Variants in SCFD2 observed in about 807,000 individuals in gnomAD.
SCFD2 encodes sec1 family domain containing 2, also known as sec1 family domain-containing protein 2.
Under a neutral mutation model 58.9 loss-of-function variants are expected in SCFD2, and 54 were observed. The observed-to-expected ratio is 0.92, with a 90% CI of 0.74 to 1.15. The LOEUF is 1.15. Among genes scored for constraint, SCFD2 ranks in the 50% most tolerant of loss-of-function variants. SCFD2 has a pLI of 0.00. For synonymous variants in SCFD2, 321 were observed against 335.9 expected (o/e 0.96, Z 0.49); for missense variants, 805 against 836.6 (o/e 0.96, Z 0.47).
At chr4:53,324,468 G>T (rs1560447029) in intron 2 of SCFD2, among the ~76,000 whole-genome samples, 1 of 146,692 alleles carries the variant, frequency 6.8e-6, no homozygotes, top group Non-Finnish European at 1.5e-5. Context: ...GGACAGAAAT[G>T]ACTGTCAAAA....
intron 2 of SCFD2, among the ~76,000 whole-genome samples, chr4:53,335,939 C>G (rs1291285020): frequency 1.3e-5 from 2 of 152,160 alleles, no homozygotes; most frequent in Non-Finnish European, 2.9e-5. Context: ...TAAAAATGCT[C>G]TGAGTAATCT....
chr4:53,252,084 C>A (rs1044157359), intron 4 of SCFD2, among the ~76,000 whole-genome samples: 18 of 150,602 alleles, frequency 1.2e-4, no homozygotes, highest in Non-Finnish European at 2.1e-4. Flanking sequence ...TTCTTATACA[C>A]CAATAACAGA....
At chr4:53,139,023 G>A (rs1016240393) in intron 5 of SCFD2, among the ~76,000 whole-genome samples, 14 of 152,132 alleles carry the variant, frequency 9.2e-5, no homozygotes, top group African/African-American at 2.9e-4. Flanking sequence ...GGTGCGCGCC[G>A]CCACGCGTGA....
chr4:53,184,767 C>A (rs1030429215), intron 4 of SCFD2, among the ~76,000 whole-genome samples: 1 of 151,972 alleles, frequency 6.6e-6, no homozygotes, highest in Admixed American at 6.6e-5. Context: ...TAGTGCTATG[C>A]AAAAAGAACT....
intron 2 of SCFD2, among the ~76,000 whole-genome samples, chr4:53,320,107 TCATTGGACCC>T (rs1366961237): frequency 6.6e-6 from 1 of 152,228 alleles, no homozygotes; most frequent in African/African-American, 2.4e-5. Flanking sequence ...AGGATAAGTA[TCATTGGACCC>T]CATTTCATAA....
At chr4:53,169,447 T>A (rs910858485) in intron 4 of SCFD2, among the ~76,000 whole-genome samples, 1 of 152,242 alleles carries the variant, frequency 6.6e-6, no homozygotes, top group African/African-American at 2.4e-5. Flanking sequence ...TCTGTCCATC[T>A]ATTGATGAAC....
intron 5 of SCFD2, among the ~76,000 whole-genome samples, chr4:53,073,046 T>C (rs565347970): frequency 6.6e-6 from 1 of 152,120 alleles, no homozygotes; most frequent in Non-Finnish European, 1.5e-5. Flanking sequence ...AGCACAAAAA[T>C]ATTCCAAAAA....
intron 6 of SCFD2, among the ~76,000 whole-genome samples, chr4:52,912,600 T>A (rs1179093578): frequency 6.6e-6 from 1 of 152,222 alleles, no homozygotes; most frequent in East Asian, 1.9e-4. Flanking sequence ...GAGCACAATT[T>A]GGTAAAGACT....
At chr4:52,974,526 A>T (rs1371856590) in intron 5 of SCFD2, among the ~76,000 whole-genome samples, 1 of 152,216 alleles carries the variant, frequency 6.6e-6, no homozygotes, top group Admixed American at 6.5e-5. Context: ...AAGAGGATAC[A>T]AACAAATGGA....
At chr4:53,324,795 C>T (rs4864749) in intron 2 of SCFD2, among the ~76,000 whole-genome samples, 91,135 of 151,908 alleles carry the variant, frequency 0.6, 27,493 homozygotes, top group Middle Eastern at 0.66. Flanking sequence ...TGAGTTCTGA[C>T]TGATAAGTTT....
At chr4:53,197,971 A>T (rs1376878846) in intron 4 of SCFD2, among the ~76,000 whole-genome samples, 2 of 152,068 alleles carry the variant, frequency 1.3e-5, no homozygotes, top group African/African-American at 4.8e-5. Flanking sequence ...CCTGCTAGGA[A>T]ATATGGAAAC....
chr4:52,961,229 T>C (rs562440525), intron 5 of SCFD2, among the ~76,000 whole-genome samples: 3 of 152,286 alleles, frequency 2.0e-5, no homozygotes, highest in African/African-American at 4.8e-5. Flanking sequence ...TGAGACATGA[T>C]CTTGAGACTT....
intron 1 of SCFD2, among the ~76,000 whole-genome samples, chr4:53,363,783 C>T (rs894311783): frequency 3.4e-5 from 5 of 146,408 alleles, no homozygotes; most frequent in African/African-American, 1.3e-4. Flanking sequence ...CGCGAGATTG[C>T]GCCATTGCAC....
chr4:53,289,995 G>A (rs769824621), intron 3 of SCFD2, among the ~76,000 whole-genome samples: 5 of 152,058 alleles, frequency 3.3e-5, no homozygotes, highest in East Asian at 1.9e-4. Context: ...AATATTAACC[G>A]TCATGAAGAA....
rs1340656621 is a variant in SCFD2 at position 52,920,744 on chromosome 4, G to A, written c.1688C>T (p.Pro563Leu). Residue 563 changes from proline to leucine, a missense_variant, in exon 6 of 9, where the codon CCT (proline) becomes CTT (leucine). Transcript: ENST00000401642. ...LLKQFKSVYV[P>L]GNHTHQASYK... ...ACTTGCCTGGTGGGTATGATTTCCAGGAACATATACAGACTTAAACTGTTT... is the reference window on the plus strand; with the variant it reads ...ACTTGCCTGGTGGGTATGATTTCCAAGAACATATACAGACTTAAACTGTTT... 1 of 1,603,910 alleles carries A rather than the reference G, an allele frequency of 6.2e-7. No individual in the cohort carries two copies. The highest frequency in any genetic ancestry group is 2.3e-5 in the East Asian group (1 of 44,128).
At chr4:53,257,108 AACACAC>A (rs56129853) in intron 4 of SCFD2, among the ~76,000 whole-genome samples, 14 of 150,330 alleles carry the variant, frequency 9.3e-5, no homozygotes, top group Non-Finnish European at 1.8e-4. Context: ...CTAAAAGTGT[AACACAC>A]ACACACACAC....
chr4:52,904,027 C>T (rs146032467), intron 7 of SCFD2, among the ~76,000 whole-genome samples: 18 of 152,308 alleles, frequency 1.2e-4, no homozygotes, highest in South Asian at 2.1e-4. Flanking sequence ...TTTCATCACC[C>T]GCTGTGAGGG....
At chr4:53,019,200 G>C (rs1379629973) in intron 5 of SCFD2, among the ~76,000 whole-genome samples, 1 of 151,780 alleles carries the variant, frequency 6.6e-6, no homozygotes, top group Admixed American at 6.6e-5. Flanking sequence ...TTCAAAAGCT[G>C]GAAACAGCTG....
At chr4:53,032,200 G>A (rs1231112587) in intron 5 of SCFD2, among the ~76,000 whole-genome samples, 1 of 152,178 alleles carries the variant, frequency 6.6e-6, no homozygotes, top group Non-Finnish European at 1.5e-5. Flanking sequence ...AGCTTCATAA[G>A]TGAAGGAGAA....
Sources: allele counts gnomAD v4.1 joint callset (sites outside exome capture counted in the v4.1 genomes callset), GRCh38; gene constraint gnomAD v4.1.1; transcripts MANE v1.5; gene names NCBI Gene and HGNC (gene_info 2026-07-23, HGNC 2026-07-21).